HDAC9: variants seen among roughly 807,000 people sequenced by gnomAD.
HDAC9 encodes the protein histone deacetylase 9, also known as MEF-2 interacting transcription repressor (MITR) protein.
A neutral mutation model predicts 139.4 loss-of-function variants in HDAC9; 41 were observed. The ratio of observed to expected loss-of-function variants is 0.29; its 90% CI spans 0.23 to 0.38. The LOEUF (loss-of-function observed/expected upper bound fraction) is 0.38. Ranked by LOEUF, HDAC9 falls within the 10% of genes least tolerant of loss-of-function variation. The pLI is 1.00. For missense variants in HDAC9, 1,147 were observed against 1,297.0 expected, an observed-to-expected ratio of 0.88 and a Z score of 1.78; for synonymous variants, 517 against 476.2, an observed-to-expected ratio of 1.09 and a Z score of -1.12.
intron 21 of HDAC9, among the ~76,000 whole-genome samples, chr7:18,862,177 A>G (rs1361949433): frequency 1.3e-5 from 2 of 152,204 alleles, no homozygotes; most frequent in East Asian, 1.9e-4. Flanking sequence ...CTGAAAGGCC[A>G]GGGGCAAATC....
chr7:18,620,275 TTAAA>T (rs1482056721), intron 6 of HDAC9, among the ~76,000 whole-genome samples: 45 of 152,276 alleles, frequency 3.0e-4, no homozygotes, highest in African/African-American at 1.0e-3. Flanking sequence ...ATAGATCTAA[TTAAA>T]TAGTAGGTTT....
chr7:18,798,827 AC>A (rs893249907), intron 17 of HDAC9, among the ~76,000 whole-genome samples: 8 of 152,268 alleles, frequency 5.3e-5, no homozygotes, highest in East Asian at 1.9e-4. Context: ...GTGCATAAGG[AC>A]TATGAAAAGC....
intron 2 of HDAC9, among the ~76,000 whole-genome samples, chr7:18,256,400 A>T (rs1256299134): frequency 6.6e-6 from 1 of 152,212 alleles, no homozygotes; most frequent in Admixed American, 6.5e-5. Context: ...ATTGGATTTT[A>T]GAGGAGCTAG....
At chr7:18,369,239 TG>T (rs1784411892) in intron 1 of HDAC9, among the ~76,000 whole-genome samples, 1 of 152,116 alleles carries the variant, frequency 6.6e-6, no homozygotes, top group Non-Finnish European at 1.5e-5. Flanking sequence ...TTTGTCTCAA[TG>T]TAACAGCAGA....
intron 25 of HDAC9, among the ~76,000 whole-genome samples, chr7:18,990,087 T>C (rs1396426510): frequency 2.6e-5 from 4 of 152,298 alleles, no homozygotes; most frequent in African/African-American, 7.2e-5. Flanking sequence ...CTTTGTTCCA[T>C]TGCTGGTGAG....
At chr7:18,872,938 G>C (rs937998253) in intron 21 of HDAC9, among the ~76,000 whole-genome samples, 4 of 152,116 alleles carry the variant, frequency 2.6e-5, no homozygotes, top group Non-Finnish European at 4.4e-5. Context: ...TTTTGTAGAA[G>C]CATCCATTCT....
chr7:18,802,631 A>AT (rs35107667), intron 17 of HDAC9, among the ~76,000 whole-genome samples: 2 of 151,498 alleles, frequency 1.3e-5, no homozygotes, highest in African/African-American at 2.4e-5. Context: ...ATCATGATAG[A>AT]TTTTTTTATC....
chr7:18,501,986 G>T (rs541759040), intron 2 of HDAC9, among the ~76,000 whole-genome samples: 2 of 152,244 alleles, frequency 1.3e-5, no homozygotes, highest in African/African-American at 4.8e-5. Flanking sequence ...GTCAAAAATG[G>T]CAGCAGCATT....
intron 22 of HDAC9, among the ~76,000 whole-genome samples, chr7:18,923,422 T>C (rs1803936882): frequency 6.6e-6 from 1 of 152,032 alleles, no homozygotes; most frequent in South Asian, 2.1e-4. Context: ...ACCTCTCAGT[T>C]TGAACGATTC....
chr7:18,532,196 G>A (rs1809239124), intron 2 of HDAC9, among the ~76,000 whole-genome samples: 1 of 152,152 alleles, frequency 6.6e-6, no homozygotes, highest in Non-Finnish European at 1.5e-5. Flanking sequence ...GTTGCAGTGA[G>A]CCCAGATCAC....
intron 22 of HDAC9, among the ~76,000 whole-genome samples, chr7:18,931,442 T>C (rs1012511434): frequency 1.3e-5 from 2 of 152,186 alleles, no homozygotes; most frequent in Non-Finnish European, 2.9e-5. Flanking sequence ...TTAAATCCTT[T>C]TTAAATGTAT....
At chr7:18,600,353 A>G (rs558956627) in intron 6 of HDAC9, among the ~76,000 whole-genome samples, 3 of 152,138 alleles carry the variant, frequency 2.0e-5, no homozygotes, top group Non-Finnish European at 4.4e-5. Flanking sequence ...TTTATATCCA[A>G]AAATTTTTTG....
At chr7:18,665,172 G>T (rs1794477841) in intron 11 of HDAC9, among the ~76,000 whole-genome samples, 1 of 152,112 alleles carries the variant, frequency 6.6e-6, no homozygotes, top group South Asian at 2.1e-4. Context: ...AGAAAAATCT[G>T]CATTCATGTT....
At chr7:18,127,053 G>T (rs1469994248) in intron 1 of HDAC9, among the ~76,000 whole-genome samples, 1 of 152,104 alleles carries the variant, frequency 6.6e-6, no homozygotes, top group East Asian at 1.9e-4. Flanking sequence ...AATGCTGTTA[G>T]GTTCCAAGTG....
chr7:18,177,774 T>A (rs1000567113), intron 2 of HDAC9, among the ~76,000 whole-genome samples: 1 of 152,124 alleles, frequency 6.6e-6, no homozygotes, highest in Non-Finnish European at 1.5e-5. Flanking sequence ...GGCAGCTGTA[T>A]TTATGGTTGC....
chr7:18,521,402 A>G (rs986800349), intron 2 of HDAC9, among the ~76,000 whole-genome samples: 2 of 152,216 alleles, frequency 1.3e-5, no homozygotes, highest in African/African-American at 4.8e-5. Context: ...CAAGGGAGAT[A>G]TCTCACTTAA....
chr7:18,175,028 A>G (rs973456809), intron 2 of HDAC9, among the ~76,000 whole-genome samples: 3 of 152,116 alleles, frequency 2.0e-5, no homozygotes, highest in African/African-American at 7.2e-5. Flanking sequence ...AGAAGTTTCT[A>G]TTGCTTTTTG....
chr7:18,870,429 T>G (rs114112144), intron 21 of HDAC9, among the ~76,000 whole-genome samples: 3 of 152,204 alleles, frequency 2.0e-5, no homozygotes, highest in African/African-American at 7.2e-5. Context: ...TTTGAAGTTA[T>G]ATGTTTTTAG....
chr7:18,471,398 C>T (rs1794713425), intron 1 of HDAC9, among the ~76,000 whole-genome samples: 1 of 152,140 alleles, frequency 6.6e-6, no homozygotes, highest in Non-Finnish European at 1.5e-5. Context: ...CAATATTCCA[C>T]CTGTTTGCAT....
Sources: allele counts gnomAD v4.1 joint callset (sites outside exome capture counted in the v4.1 genomes callset), GRCh38; gene constraint gnomAD v4.1.1; transcripts MANE v1.5; gene names NCBI Gene and HGNC (gene_info 2026-07-23, HGNC 2026-07-21).